The following ARHGAP25 variants were observed in gnomAD, a reference collection of about 807,000 sequenced individuals.
ARHGAP25 encodes Rho GTPase activating protein 25, also known as rho GTPase-activating protein 25.
A neutral mutation model predicts 71.0 loss-of-function variants in ARHGAP25; 34 were observed. The observed-to-expected ratio is 0.48, with a 90% CI of 0.36 to 0.64. The LOEUF is 0.64. Ranked by LOEUF, ARHGAP25 falls within the 30% of genes least tolerant of loss-of-function variation. The probability of loss-of-function intolerance (pLI) is 0.00; values close to 1 mark genes in which losing one functional copy is unlikely to be tolerated. For missense variants in ARHGAP25, 706 were observed against 805.1 expected (o/e 0.88, Z 1.49); for synonymous variants, 282 against 296.5 (o/e 0.95, Z 0.50).
intron 4 of ARHGAP25, among the ~76,000 whole-genome samples, chr2:68,795,615 T>A (rs1259331443): frequency 6.6e-6 from 1 of 152,198 alleles, no homozygotes; most frequent in Non-Finnish European, 1.5e-5. Flanking sequence ...TATTCCACTG[T>A]GGTCTGAGAA....
intron 2 of ARHGAP25, among the ~76,000 whole-genome samples, chr2:68,722,889 C>G (rs755353405): frequency 1.1e-4 from 17 of 152,204 alleles, no homozygotes; most frequent in Non-Finnish European, 1.9e-4. Flanking sequence ...CCAAGGTCAA[C>G]AGCCACATAG....
chr2:68,715,473 C>T (rs1336442417), intron 2 of ARHGAP25, among the ~76,000 whole-genome samples: 1 of 152,210 alleles, frequency 6.6e-6, no homozygotes, highest in African/African-American at 2.4e-5. Context: ...CGTGACCCTG[C>T]TCTGGCTAAT....
intron 10 of ARHGAP25, among the ~76,000 whole-genome samples, chr2:68,824,350 C>T (rs1681934022): frequency 6.6e-6 from 1 of 152,196 alleles, no homozygotes. Flanking sequence ...CCACTGGAAC[C>T]CATGGTCAGG....
chr2:68,797,404 G>T (rs998074044), intron 4 of ARHGAP25, among the ~76,000 whole-genome samples: 1 of 152,234 alleles, frequency 6.6e-6, no homozygotes, highest in East Asian at 1.9e-4. Context: ...CCTGGCTATG[G>T]CAGCCAACTT....
At chr2:68,789,228 C>T (rs1038169851) in intron 4 of ARHGAP25, among the ~76,000 whole-genome samples, 6 of 151,952 alleles carry the variant, frequency 3.9e-5, no homozygotes, top group Admixed American at 1.3e-4. Flanking sequence ...TTAGTAGAGA[C>T]GGGGTTTCAC....
chr2:68,779,293 AAG>A (rs1428040953), intron 2 of ARHGAP25, among the ~76,000 whole-genome samples: 4 of 152,222 alleles, frequency 2.6e-5, no homozygotes, highest in Non-Finnish European at 5.9e-5. Flanking sequence ...CAGAGTTGAG[AAG>A]AGACATGCAA....
At chr2:68,754,306 ATGCTTT>A (rs58416058) in intron 1 of ARHGAP25, among the ~76,000 whole-genome samples, 127,805 of 151,422 alleles carry the variant, frequency 0.84, 54,121 homozygotes, top group African/African-American at 0.89. Context: ...ATCTGTTCCT[ATGCTTT>A]TGCTTTTTTC....
At chr2:68,790,236 C>A (rs940415792) in intron 4 of ARHGAP25, among the ~76,000 whole-genome samples, 16 of 152,200 alleles carry the variant, frequency 1.1e-4, no homozygotes, top group African/African-American at 3.6e-4. Flanking sequence ...GGTGATCCAC[C>A]ACCTCGGCTT....
intron 4 of ARHGAP25, among the ~76,000 whole-genome samples, chr2:68,793,592 T>C (rs1407080426): frequency 2.0e-5 from 3 of 152,162 alleles, no homozygotes; most frequent in African/African-American, 7.2e-5. Context: ...TATAAATATG[T>C]GGCTTTATTG....
At chr2:68,804,819 A>C (rs1440891863) in intron 4 of ARHGAP25, among the ~76,000 whole-genome samples, 1 of 152,224 alleles carries the variant, frequency 6.6e-6, no homozygotes, top group Non-Finnish European at 1.5e-5. Flanking sequence ...AGACAAATTG[A>C]TTCATTAAAT....
At chr2:68,791,585 C>A (rs924692188) in intron 4 of ARHGAP25, among the ~76,000 whole-genome samples, 1 of 151,960 alleles carries the variant, frequency 6.6e-6, no homozygotes, top group African/African-American at 2.4e-5. Flanking sequence ...TAGAGACTCT[C>A]CCCAGAAAAA....
At chr2:68,751,357 A>G (rs1226020266) in intron 1 of ARHGAP25, among the ~76,000 whole-genome samples, 1 of 152,244 alleles carries the variant, frequency 6.6e-6, no homozygotes, top group East Asian at 1.9e-4. Flanking sequence ...ATGTAAAACA[A>G]GGAACCAATT....
chr2:68,812,474 A>G (rs1426676391), intron 5 of ARHGAP25, among the ~76,000 whole-genome samples: 1 of 152,106 alleles, frequency 6.6e-6, no homozygotes, highest in African/African-American at 2.4e-5. Flanking sequence ...AGGCTGACAC[A>G]CATGCTGCCT....
chr2:68,726,931 GT>G (rs1674897886), intron 2 of ARHGAP25, among the ~76,000 whole-genome samples: 1 of 150,380 alleles, frequency 6.6e-6, no homozygotes, highest in South Asian at 2.1e-4. Context: ...TTTCCTTTCT[GT>G]TTTTTTTCCA....
chr2:68,774,498 A>G (rs1034405046), intron 1 of ARHGAP25, among the ~76,000 whole-genome samples: 1 of 152,214 alleles, frequency 6.6e-6, no homozygotes, highest in African/African-American at 2.4e-5. Flanking sequence ...GTGACGATCT[A>G]ACTGTAAAGG....
In ARHGAP25 at chr2:68,735,036, G is replaced by A. The variant is rs1162402839; in HGVS notation, c.-164G>A. 1 of 670,044 alleles carries A rather than the reference G, an allele frequency of 1.5e-6. No individual in the cohort carries two copies. The highest frequency in any genetic ancestry group is 1.8e-5 in the African/African-American group (1 of 55,106). 41.5% of individuals were successfully genotyped at this position (670,044 alleles called of 1,614,324 possible). A position where few individuals can be genotyped will look rare whatever the true frequency, so the allele number is the denominator to read the frequency against. ...ACCTTTCATCTAAGAGAAAGGAGGAGACACGTTGGCAAATCAGCCTCAAGC... is the reference window on the plus strand; with the variant it reads ...ACCTTTCATCTAAGAGAAAGGAGGAAACACGTTGGCAAATCAGCCTCAAGC... On this transcript the variant is annotated 5_prime_UTR_variant, in exon 1 of 11. Transcript: ENST00000409202.
intron 2 of ARHGAP25, among the ~76,000 whole-genome samples, chr2:68,712,124 CCCA>C (rs1175171984): frequency 6.6e-6 from 1 of 152,214 alleles, no homozygotes; most frequent in Non-Finnish European, 1.5e-5. Flanking sequence ...AATTTACACT[CCCA>C]CCAACAGTGT....
chr2:68,808,220 T>C (rs1194835331), intron 5 of ARHGAP25, among the ~76,000 whole-genome samples: 1 of 152,230 alleles, frequency 6.6e-6, no homozygotes, highest in Non-Finnish European at 1.5e-5. Flanking sequence ...CGTGAACTTG[T>C]CCTGCTGGCA....
intron 10 of ARHGAP25, among the ~76,000 whole-genome samples, chr2:68,824,696 CAT>C (rs1464580551): frequency 1.3e-5 from 2 of 151,834 alleles, no homozygotes; most frequent in Non-Finnish European, 2.9e-5. Context: ...GAGCCGAGAT[CAT>C]GCCACTGCAC....
Sources: allele counts gnomAD v4.1 joint callset (sites outside exome capture counted in the v4.1 genomes callset), GRCh38; gene constraint gnomAD v4.1.1; transcripts MANE v1.5; gene names NCBI Gene and HGNC (gene_info 2026-07-23, HGNC 2026-07-21).